The following CALN1 variants were observed in gnomAD, a reference collection of about 807,000 sequenced individuals.
The protein encoded by CALN1 is calcium-binding protein 8.
A neutral mutation model predicts 30.6 loss-of-function variants in CALN1; 17 were observed. The observed-to-expected ratio is 0.56, with a 90% CI of 0.38 to 0.83. CALN1 has a LOEUF of 0.83. Among genes scored for constraint, CALN1 ranks in the 40% least tolerant of loss-of-function variants. The pLI is 0.00. For missense variants in CALN1, 291 were observed against 354.9 expected, an observed-to-expected ratio of 0.82 and a Z score of 1.45; for synonymous variants, 156 against 131.4, an observed-to-expected ratio of 1.19 and a Z score of -1.28.
chr7:72,493,279 C>T, the CALN1 span, among the ~76,000 whole-genome samples: 1 of 152,022 alleles, frequency 6.6e-6, no homozygotes, highest in African/African-American at 2.4e-5. Flanking sequence ...TTTATGATGA[C>T]TAAATGGCCT....
At chr7:72,404,191 C>T (rs1356823972) in intron 1 of CALN1, among the ~76,000 whole-genome samples, 1 of 152,164 alleles carries the variant, frequency 6.6e-6, no homozygotes, top group Non-Finnish European at 1.5e-5. Context: ...GTTAAGGCAC[C>T]CCTCGTCTCT....
chr7:72,477,082 G>C, the CALN1 span, among the ~76,000 whole-genome samples: 1 of 152,080 alleles, frequency 6.6e-6, no homozygotes, highest in South Asian at 2.1e-4. Context: ...GTGGTGGCGC[G>C]CACTTGTAAT....
At chr7:72,022,426 T>A (rs977109351) in intron 5 of CALN1, among the ~76,000 whole-genome samples, 1 of 152,232 alleles carries the variant, frequency 6.6e-6, no homozygotes, top group Non-Finnish European at 1.5e-5. Context: ...AGGGTCTTGC[T>A]CTGTTGCCCA....
intron 3 of CALN1, among the ~76,000 whole-genome samples, chr7:72,151,491 G>T (rs868554891): frequency 1.3e-5 from 2 of 152,088 alleles, no homozygotes; most frequent in East Asian, 3.9e-4. Context: ...GGGTTGGGGC[G>T]CCAACATATT....
At chr7:72,143,511 A>C (rs550419838) in intron 3 of CALN1, among the ~76,000 whole-genome samples, 1,777 of 152,352 alleles carry the variant, frequency 0.012, 21 homozygotes, top group Middle Eastern at 0.02. Flanking sequence ...GGTGTACCTG[A>C]AAGTGACGGG....
intron 3 of CALN1, among the ~76,000 whole-genome samples, chr7:72,109,647 G>A (rs544238318): frequency 5.9e-5 from 9 of 152,322 alleles, no homozygotes; most frequent in Non-Finnish European, 8.8e-5. Flanking sequence ...TGGAAGGAGC[G>A]TGGAGCCACT....
At chr7:71,853,016 G>T (rs1445899292) in intron 5 of CALN1, among the ~76,000 whole-genome samples, 2 of 151,740 alleles carry the variant, frequency 1.3e-5, no homozygotes, top group African/African-American at 4.8e-5. Context: ...CCTAATCTGT[G>T]CCTTGCCTTT....
intron 4 of CALN1, among the ~76,000 whole-genome samples, chr7:72,058,403 C>T (rs1227765704): frequency 1.3e-5 from 2 of 149,898 alleles, no homozygotes; most frequent in Non-Finnish European, 3.0e-5. Flanking sequence ...CTGCAACCTC[C>T]ACCTCCCGGG....
intron 3 of CALN1, among the ~76,000 whole-genome samples, chr7:72,180,461 G>A (rs932279219): frequency 2.7e-5 from 4 of 148,744 alleles, no homozygotes; most frequent in Non-Finnish European, 4.4e-5. Flanking sequence ...GCAAACTGGT[G>A]ATTTCCAAGT....
At chr7:72,226,513 C>CCA (rs1793689557) in intron 3 of CALN1, among the ~76,000 whole-genome samples, 1 of 152,146 alleles carries the variant, frequency 6.6e-6, no homozygotes, top group South Asian at 2.1e-4. Flanking sequence ...CTTCAACACC[C>CCA]CACATTGTTA....
chr7:72,255,887 C>T (rs1795876405), intron 3 of CALN1, among the ~76,000 whole-genome samples: 1 of 151,974 alleles, frequency 6.6e-6, no homozygotes. Flanking sequence ...CGCACCAGCA[C>T]GCTGGCTAAT....
At chr7:72,324,561 TTTATTTATTTATTTA>T (rs1369384608) in intron 2 of CALN1, among the ~76,000 whole-genome samples, 6 of 15,250 alleles carry the variant, frequency 3.9e-4, no homozygotes, top group East Asian at 0.029. Context: ...AATGATGTAA[TTTATTTATTTATTTA>T]TTTATTTATT....
chr7:71,979,656 C>T (rs1213055620), intron 5 of CALN1, among the ~76,000 whole-genome samples: 1 of 151,970 alleles, frequency 6.6e-6, no homozygotes. Context: ...ACCATTACTG[C>T]TCCACGGCCG....
intron 4 of CALN1, among the ~76,000 whole-genome samples, chr7:72,057,301 T>A (rs1186660288): frequency 1.3e-5 from 2 of 151,928 alleles, no homozygotes; most frequent in Non-Finnish European, 2.9e-5. Flanking sequence ...TCACTAATAC[T>A]GATGGTAACA....
intron 4 of CALN1, among the ~76,000 whole-genome samples, chr7:72,056,668 A>T (rs1275180906): frequency 1.3e-5 from 2 of 152,216 alleles, no homozygotes; most frequent in African/African-American, 4.8e-5. Context: ...TGTTAAAAAC[A>T]TCAGGGACTA....
chr7:72,442,744 A>G (rs1342628067), intron 1 of CALN1, among the ~76,000 whole-genome samples: 1 of 152,056 alleles, frequency 6.6e-6, no homozygotes, highest in African/African-American at 2.4e-5. Context: ...ATTATTTAGG[A>G]TTGCACTTTA....
intron 3 of CALN1, among the ~76,000 whole-genome samples, chr7:72,258,946 T>A (rs1029098828): frequency 6.7e-6 from 1 of 150,132 alleles, no homozygotes; most frequent in African/African-American, 2.4e-5. Flanking sequence ...CCAGGCATGG[T>A]GGCACACACC....
intron 5 of CALN1, among the ~76,000 whole-genome samples, chr7:71,870,370 G>GA (rs1791852813): frequency 1.4e-5 from 2 of 144,012 alleles, no homozygotes; most frequent in South Asian, 4.2e-4. Flanking sequence ...CAACAACAGA[G>GA]AAACTCCATC....
intron 3 of CALN1, among the ~76,000 whole-genome samples, chr7:72,249,627 C>A (rs1356966623): frequency 2.6e-5 from 4 of 151,928 alleles, no homozygotes; most frequent in Non-Finnish European, 4.4e-5. Flanking sequence ...CATGGCAAAA[C>A]CCTGTCTCTA....
Sources: gnomAD v4.1 joint callset for allele counts (sites outside exome capture counted in the v4.1 genomes callset) on GRCh38, gnomAD v4.1.1 for gene constraint, MANE v1.5 for transcripts, NCBI Gene and HGNC (gene_info 2026-07-23, HGNC 2026-07-21) for gene names.